TRHDE: variants seen among roughly 807,000 people sequenced by gnomAD.
TRHDE encodes the protein thyrotropin-releasing hormone-degrading ectoenzyme.
A neutral mutation model predicts 125.7 loss-of-function variants in TRHDE; 72 were observed. The ratio of observed to expected loss-of-function variants is 0.57; its 90% CI spans 0.47 to 0.70. TRHDE has a LOEUF of 0.70. TRHDE is among the 30% of genes least tolerant of loss of function. The pLI is 0.00. For synonymous variants in TRHDE, 509 were observed against 509.1 expected (o/e 1.00, Z 0.00); for missense variants, 1,110 against 1,327.1 (o/e 0.84, Z 2.54).
At chr12:72,354,290 A>G (rs1190278448) in intron 2 of TRHDE, among the ~76,000 whole-genome samples, 1 of 151,724 alleles carries the variant, frequency 6.6e-6, no homozygotes, top group African/African-American at 2.4e-5. Context: ...TTTGATGAAT[A>G]GAAAGTACAT....
chr12:72,381,464 C>T (rs932926356), intron 3 of TRHDE, among the ~76,000 whole-genome samples: 5 of 147,902 alleles, frequency 3.4e-5, no homozygotes, highest in Non-Finnish European at 7.4e-5. Flanking sequence ...GGCGGGATCT[C>T]GGCTCACTGC....
intron 2 of TRHDE, among the ~76,000 whole-genome samples, chr12:72,312,373 A>G (rs1393335312): frequency 6.6e-6 from 1 of 152,212 alleles, no homozygotes; most frequent in East Asian, 1.9e-4. Context: ...TATTTTCTAT[A>G]TATAGGAGGT....
At chr12:72,486,518 C>G (rs570421828) in intron 5 of TRHDE, among the ~76,000 whole-genome samples, 3 of 152,262 alleles carry the variant, frequency 2.0e-5, no homozygotes, top group African/African-American at 7.2e-5. Flanking sequence ...TTCCTGCAGC[C>G]AAGACCACTG....
intron 6 of TRHDE, among the ~76,000 whole-genome samples, chr12:72,512,432 AT>A (rs1878622086): frequency 9.4e-6 from 1 of 106,404 alleles, no homozygotes. Flanking sequence ...TATATATTAT[AT>A]AATATGTTAT....
chr12:72,088,715 A>G (rs1319779065), intron 1 of TRHDE, among the ~76,000 whole-genome samples: 4 of 151,840 alleles, frequency 2.6e-5, no homozygotes, highest in African/African-American at 9.7e-5. Flanking sequence ...CTCATTCTTT[A>G]CTGGTTCTTT....
intron 9 of TRHDE, among the ~76,000 whole-genome samples, chr12:72,567,047 T>C (rs1870480992): frequency 6.6e-6 from 1 of 151,968 alleles, no homozygotes. Flanking sequence ...AGAGACCCAA[T>C]ATTTTTAGAG....
intron 7 of TRHDE, among the ~76,000 whole-genome samples, chr12:72,546,978 G>A (rs1265235764): frequency 6.6e-6 from 1 of 151,592 alleles, no homozygotes; most frequent in African/African-American, 2.4e-5. Flanking sequence ...ACATAAAGTT[G>A]AACCTAACTA....
intron 10 of TRHDE, among the ~76,000 whole-genome samples, chr12:72,569,450 A>C (rs1012960348): frequency 6.6e-6 from 1 of 152,192 alleles, no homozygotes; most frequent in Non-Finnish European, 1.5e-5. Flanking sequence ...TTGCTCTCTC[A>C]TAAGCCTTAG....
chr12:72,450,426 A>T (rs1199113311), intron 3 of TRHDE, among the ~76,000 whole-genome samples: 2 of 152,078 alleles, frequency 1.3e-5, no homozygotes, highest in Non-Finnish European at 2.9e-5. Context: ...TTGATAAATA[A>T]AAATTGTATA....
chr12:72,357,125 A>T (rs1223977008), intron 2 of TRHDE, among the ~76,000 whole-genome samples: 1 of 151,546 alleles, frequency 6.6e-6, no homozygotes, highest in Non-Finnish European at 1.5e-5. Flanking sequence ...CAATTTACAG[A>T]TTCAATTCTA....
intron 2 of TRHDE, among the ~76,000 whole-genome samples, chr12:72,184,598 T>G (rs1486407256): frequency 1.3e-5 from 2 of 152,128 alleles, no homozygotes; most frequent in East Asian, 3.9e-4. Flanking sequence ...CCTGAATGAC[T>G]TCTCTTTCCT....
chr12:72,192,383 C>T (rs1433424815), intron 2 of TRHDE, among the ~76,000 whole-genome samples: 2 of 152,044 alleles, frequency 1.3e-5, no homozygotes, highest in Non-Finnish European at 2.9e-5. Context: ...CCTTTTAAGA[C>T]AGCAACAATA....
At chr12:72,284,927 T>C (rs1224138752) in intron 1 of TRHDE, among the ~76,000 whole-genome samples, 1 of 152,198 alleles carries the variant, frequency 6.6e-6, no homozygotes, top group Non-Finnish European at 1.5e-5. Flanking sequence ...TTCCTTCTAC[T>C]AATGAAAAAA....
At chr12:72,435,641 T>C (rs950743904) in intron 3 of TRHDE, among the ~76,000 whole-genome samples, 3 of 76,922 alleles carry the variant, frequency 3.9e-5, no homozygotes, top group Non-Finnish European at 7.0e-5. Flanking sequence ...CAGGCTGGGA[T>C]TTTTTTTTTT....
chr12:72,116,541 A>G (rs1875447912), intron 2 of TRHDE, among the ~76,000 whole-genome samples: 1 of 152,128 alleles, frequency 6.6e-6, no homozygotes, highest in South Asian at 2.1e-4. Context: ...TGACTTTATA[A>G]TGATTGACAT....
intron 7 of TRHDE, among the ~76,000 whole-genome samples, chr12:72,543,797 G>GATTATTATT (rs57214635): frequency 0.053 from 7,576 of 142,150 alleles, 244 homozygotes; most frequent in Admixed American, 0.098. Flanking sequence ...ATTTGGAAAG[G>GATTATTATT]ATTATTATTA....
intron 2 of TRHDE, chr12:72,256,529 TAGAA>T (rs1161542880): frequency 6.9e-6 from 1 of 145,106 alleles, no homozygotes; most frequent in Non-Finnish European, 1.6e-5. Context: ...TCTCCCTTAT[TAGAA>T]TGCAAGTTCC....
At chr12:72,599,957 A>G (rs1244677626) in intron 12 of TRHDE, among the ~76,000 whole-genome samples, 1 of 152,122 alleles carries the variant, frequency 6.6e-6, no homozygotes, top group Non-Finnish European at 1.5e-5. Flanking sequence ...TTCTTCTAGC[A>G]TATAGCTAGC....
rs191216010 is a variant in TRHDE at position 72,624,986 on chromosome 12, T to C, written c.2675+3235T>C. On this transcript the variant is annotated intron_variant, in intron 15 of 18. Coordinates refer to ENST00000261180, the MANE Select transcript of TRHDE (RefSeq NM_013381.3). ...TGGCCTTTTTCTATGCATAAAAGCA[T>C]TATAAAGAGAATAGAAATTGGTTTC... Among the ~76,000 whole-genome samples the C allele has an allele frequency of 2.3e-3, 352 of 151,484 alleles. 2 individuals carry two copies. Among genetic ancestry groups the C allele is most frequent in the African/African-American group, 7.5e-3 (311 of 41,380 alleles).
Sources: gnomAD v4.1 joint callset for allele counts (sites outside exome capture counted in the v4.1 genomes callset) on GRCh38, gnomAD v4.1.1 for gene constraint, MANE v1.5 for transcripts, NCBI Gene and HGNC (gene_info 2026-07-23, HGNC 2026-07-21) for gene names.